Variants in PLCL1 observed in about 807,000 individuals in gnomAD.
The protein encoded by PLCL1 is phospholipase C like 1 (inactive).
In PLCL1, 41 loss-of-function variants were observed where a neutral mutation model predicts 84.4. The ratio of observed to expected loss-of-function variants is 0.49; its 90% CI spans 0.38 to 0.63. The LOEUF (loss-of-function observed/expected upper bound fraction) is 0.63. Among genes scored for constraint, PLCL1 ranks in the 30% least tolerant of loss-of-function variants. The probability of loss-of-function intolerance (pLI) is 0.00; values close to 1 mark genes in which losing one functional copy is unlikely to be tolerated. For synonymous variants in PLCL1, 490 were observed against 488.3 expected (o/e 1.00, Z -0.05); for missense variants, 1,206 against 1,367.8 (o/e 0.88, Z 1.87).
intron 1 of PLCL1, among the ~76,000 whole-genome samples, chr2:198,081,688 T>A (rs1370530394): frequency 6.6e-6 from 1 of 152,212 alleles, no homozygotes; most frequent in African/African-American, 2.4e-5. Flanking sequence ...GAAGATCTGA[T>A]ATAAATTGGA....
intron 1 of PLCL1, among the ~76,000 whole-genome samples, chr2:198,005,981 T>C (rs758085746): frequency 1.2e-4 from 18 of 152,190 alleles, no homozygotes; most frequent in Non-Finnish European, 2.2e-4. Context: ...CTTGTTGAAA[T>C]AGGAATGCTG....
intron 1 of PLCL1, among the ~76,000 whole-genome samples, chr2:197,895,764 T>C (rs1383087062): frequency 6.6e-6 from 1 of 151,902 alleles, no homozygotes; most frequent in Non-Finnish European, 1.5e-5. Flanking sequence ...TGTAGAATGA[T>C]CATGAGAATC....
At chr2:198,091,981 CCCAACCTCACCTGCCTCT>C (rs1457159379) in intron 3 of PLCL1, among the ~76,000 whole-genome samples, 85 of 151,536 alleles carry the variant, frequency 5.6e-4, no homozygotes, top group Non-Finnish European at 1.1e-3. Context: ...CACTGCCTCT[CCCAACCTCACCTGCCTCT>C]CCAGCCTCCC....
intron 1 of PLCL1, among the ~76,000 whole-genome samples, chr2:197,886,283 G>A (rs1403641960): frequency 1.3e-5 from 2 of 151,400 alleles, no homozygotes; most frequent in Non-Finnish European, 2.9e-5. Context: ...GTGGTGGTAC[G>A]TGCCTGTAGT....
At chr2:198,138,691 A>G (rs1199134990) in intron 5 of PLCL1, among the ~76,000 whole-genome samples, 1 of 152,198 alleles carries the variant, frequency 6.6e-6, no homozygotes, top group African/African-American at 2.4e-5. Context: ...ACTTGACCAT[A>G]TAATTGCTAC....
chr2:197,984,823 A>G (rs2105807859), intron 1 of PLCL1, among the ~76,000 whole-genome samples: 1 of 152,310 alleles, frequency 6.6e-6, no homozygotes, highest in Middle Eastern at 3.4e-3. Flanking sequence ...ATAAAATGTT[A>G]TAGCCCTAAT....
intron 1 of PLCL1, among the ~76,000 whole-genome samples, chr2:197,962,321 T>C (rs976565746): frequency 6.6e-6 from 1 of 152,146 alleles, no homozygotes; most frequent in African/African-American, 2.4e-5. Context: ...TGTGACCACT[T>C]GATTAACCAC....
intron 1 of PLCL1, among the ~76,000 whole-genome samples, chr2:197,923,179 C>T (rs1179803336): frequency 1.4e-4 from 21 of 146,468 alleles, no homozygotes; most frequent in Middle Eastern, 3.8e-3. Flanking sequence ...CCTCACCTCC[C>T]GGACGGGGCG....
At position 198,084,256 on chromosome 2, in the gene PLCL1, G is replaced by A. The variant is rs779580685; in HGVS notation, c.739G>A (p.Val247Met). Residue 247 changes from valine (V) to methionine (M), a missense_variant, in exon 2 of 6, where the codon GTG becomes ATG. By Grantham distance (21) the Val-to-Met change is conservative. Coordinates refer to ENST00000428675, the MANE Select transcript of PLCL1 (RefSeq NM_006226.4). The stretch of plus-strand genomic sequence containing the variant: ...ACCACGGTTCATGTGGTTGAAAACA[G>A]TGTTTGAAGCAGCAGATGTTGATGG... ...NTPRFMWLKT[V>M]FEAADVDGNG... 8.1e-6 allele frequency: 13 copies of A among 1,614,040 alleles called. No homozygotes were observed. The highest frequency in any genetic ancestry group is 4.4e-5 in the South Asian group (4 of 91,094).
At chr2:198,041,942 C>T (rs1691676986) in intron 1 of PLCL1, among the ~76,000 whole-genome samples, 2 of 152,266 alleles carry the variant, frequency 1.3e-5, no homozygotes, top group Middle Eastern at 3.4e-3. Flanking sequence ...GGTATCCCCC[C>T]TTCCTTGATA....
chr2:198,091,010 G>A (rs1429796447), intron 3 of PLCL1, among the ~76,000 whole-genome samples: 1 of 152,218 alleles, frequency 6.6e-6, no homozygotes, highest in African/African-American at 2.4e-5. Flanking sequence ...TGCAGGCAGA[G>A]CATGGTTTTC....
At chr2:197,879,600 A>G (rs9288280) in intron 1 of PLCL1, among the ~76,000 whole-genome samples, 108,219 of 152,072 alleles carry the variant, frequency 0.71, 39,232 homozygotes, top group Middle Eastern at 0.85. Flanking sequence ...AACCCTGAGG[A>G]AAATTTAATA....
At chr2:198,136,504 A>G (rs1694259139) in intron 5 of PLCL1, among the ~76,000 whole-genome samples, 1 of 152,114 alleles carries the variant, frequency 6.6e-6, no homozygotes, top group African/African-American at 2.4e-5. Flanking sequence ...TCTAGAGACT[A>G]GAGACTAGTC....
intron 1 of PLCL1, among the ~76,000 whole-genome samples, chr2:198,026,212 A>T (rs954579463): frequency 6.6e-6 from 1 of 152,162 alleles, no homozygotes; most frequent in Non-Finnish European, 1.5e-5. Context: ...AATCAAATAA[A>T]TTTGAAAAGA....
chr2:197,979,082 T>G (rs751873871), intron 1 of PLCL1, among the ~76,000 whole-genome samples: 4 of 152,150 alleles, frequency 2.6e-5, no homozygotes, highest in Non-Finnish European at 5.9e-5. Flanking sequence ...AGTTGCTTGG[T>G]GTTTGATTGT....
chr2:198,117,434 G>C (rs1467496502), intron 5 of PLCL1, among the ~76,000 whole-genome samples: 1 of 150,118 alleles, frequency 6.7e-6, no homozygotes, highest in Non-Finnish European at 1.5e-5. Flanking sequence ...CATGTTCTCT[G>C]GTGGTACATT....
At chr2:197,889,147 A>T (rs1687970097) in intron 1 of PLCL1, among the ~76,000 whole-genome samples, 1 of 152,196 alleles carries the variant, frequency 6.6e-6, no homozygotes, top group Admixed American at 6.5e-5. Context: ...GTTTTTACAG[A>T]TGAGGAAGTG....
intron 1 of PLCL1, among the ~76,000 whole-genome samples, chr2:198,002,555 C>T (rs1690628178): frequency 6.6e-6 from 1 of 152,128 alleles, no homozygotes; most frequent in African/African-American, 2.4e-5. Flanking sequence ...CTTTTGTTGA[C>T]ATTCTATTTT....
At chr2:198,070,431 T>C (rs1227356156) in intron 1 of PLCL1, among the ~76,000 whole-genome samples, 1 of 152,118 alleles carries the variant, frequency 6.6e-6, no homozygotes, top group African/African-American at 2.4e-5. Context: ...TTCAAATTGA[T>C]TGTTTAAATA....
Sources: allele counts gnomAD v4.1 joint callset (sites outside exome capture counted in the v4.1 genomes callset), GRCh38; gene constraint gnomAD v4.1.1; transcripts MANE v1.5; gene names NCBI Gene and HGNC (gene_info 2026-07-23, HGNC 2026-07-21).